SPTB: variants seen among roughly 807,000 people sequenced by gnomAD.
SPTB encodes spectrin beta chain, erythrocytic.
A neutral mutation model predicts 256.2 loss-of-function variants in SPTB; 45 were observed. That is an observed-to-expected ratio of 0.18 (90% CI 0.14 to 0.23). The LOEUF is 0.23. Among genes scored for constraint, SPTB ranks in the 10% least tolerant of loss-of-function variants. The pLI, the probability that SPTB is intolerant of heterozygous loss-of-function variation, is 1.00. For synonymous variants in SPTB, 1,231 were observed against 1,243.1 expected (o/e 0.99, Z 0.21); for missense variants, 2,715 against 3,040.4 (o/e 0.89, Z 2.52).
At chr14:64,858,994 T>C (rs2083916151) in intron 1 of SPTB, among the ~76,000 whole-genome samples, 1 of 152,172 alleles carries the variant, frequency 6.6e-6, no homozygotes, top group Admixed American at 6.5e-5. Flanking sequence ...TGCAATGGCT[T>C]ACACCTGTAA....
chr14:64,794,748 C>G, intron 12 of SPTB, 131 bp from the exon 13 acceptor site: 1 of 1,212,936 alleles, frequency 8.2e-7, no homozygotes, highest in Non-Finnish European at 1.2e-6. Flanking sequence ...CAGAAAAGGG[C>G]TGCTGCTGAG....
intron 1 of SPTB, among the ~76,000 whole-genome samples, chr14:64,836,695 A>C (rs2083527997): frequency 6.6e-6 from 1 of 152,090 alleles, no homozygotes; most frequent in African/African-American, 2.4e-5. Context: ...TGACAACCTA[A>C]TTTCCTTTCG....
rs976942908 is a variant in SPTB, at chr14:64,873,062, T to C, written c.-52+6730A>G. On this transcript the variant is annotated intron_variant, in intron 1 of 35. Transcript: ENST00000644917. This position sits in a 1 kb window ranked among gnomAD's most constrained non-coding sequence, Gnocchi z 4.3. Reference sequence around the variant, plus strand: ...TTCTCCCAAACATCCCATGCCTCTCTCCCCACTTCATTTGAGTCTCAGCCC... The same window carrying C: ...TTCTCCCAAACATCCCATGCCTCTCCCCCCACTTCATTTGAGTCTCAGCCC... 1.3e-5 allele frequency among the ~76,000 whole-genome samples: 2 copies of C among 152,126 alleles called. No homozygotes were observed. Among genetic ancestry groups the C allele is most frequent in the African/African-American group, 4.8e-5 (2 of 41,440 alleles).
Position 64,771,101 on chromosome 14 carries a change from C to G in SPTB, c.5582G>C (p.Arg1861Pro), listed in dbSNP as rs375479678. Reference sequence around the variant, plus strand: ...CTCCCCAGCATATGCTGTCTGCAGACGGGTGGCCACGTCCTGGAACTGCTG... The same window carrying G: ...CTCCCCAGCATATGCTGTCTGCAGAGGGGTGGCCACGTCCTGGAACTGCTG... ...QVQQFQDVATRLQTAYAGEKA... is the reference protein window; with the variant it reads ...QVQQFQDVATPLQTAYAGEKA... The change falls in exon 27 of 36, where the codon CGT becomes CCT. Residue 1861 changes from arginine to proline, a missense_variant. This residue lies in a region of SPTB where 2,239 missense variants were observed against 2,384.4 expected (regional missense o/e 0.94). Coordinates refer to ENST00000644917, the MANE Select transcript of SPTB (RefSeq NM_001355436.2). 6.2e-7 allele frequency: 1 copy of G among 1,614,016 alleles called. No homozygotes were observed. The highest frequency in any genetic ancestry group is 8.5e-7 in the Non-Finnish European group (1 of 1,180,040).
chr14:64,749,527 C>T lies in SPTB; in HGVS notation c.6820-54G>A, dbSNP rs1021022262. 3.6e-5 allele frequency: 57 copies of T among 1,598,030 alleles called. No individual in the cohort carries two copies. The highest frequency in any genetic ancestry group is 4.4e-5 in the South Asian group (4 of 90,614). The stretch of plus-strand genomic sequence containing the variant: ...TGGAGGCCCACAGCCCCCCACCTCC[C>T]GGGCCAGGCAACAATGGTGGGGGCT... On this transcript the variant is annotated intron_variant, in intron 35 of 35. Coordinates refer to ENST00000644917, the MANE Select transcript of SPTB (RefSeq NM_001355436.2). This position sits in a 1 kb window ranked among gnomAD's most constrained non-coding sequence, Gnocchi z 4.7.
At chr14:64,856,741 G>A (rs2083880639) in intron 1 of SPTB, among the ~76,000 whole-genome samples, 1 of 152,258 alleles carries the variant, frequency 6.6e-6, no homozygotes, top group Non-Finnish European at 1.5e-5. Flanking sequence ...ACTCTCAAGG[G>A]AGAAGGGCGG....
Position 64,795,385 on chromosome 14 carries a change from C to A in SPTB, c.1596G>T (p.Lys532Asn). Residue 532 changes from lysine to asparagine, a missense_variant, in exon 12 of 36, where the codon AAG becomes AAT. Around this residue, in one of 4 missense-constraint regions of SPTB, gnomAD observed 2,239 missense variants for 2,384.4 expected, o/e 0.94. Transcript: ENST00000644917. The surrounding 1 kb of genome is among the most constrained non-coding windows in gnomAD (Gnocchi z 6.5). Reference protein sequence around the residue: ...QRLETTLALQKLFQDMLHSID... With the variant: ...QRLETTLALQNLFQDMLHSID... ...TGCTGTGCAGCATGTCCTGGAAGAG[C>A]TTCTGCAGTGCCAGGGTGGTCTCGA... is the stretch of plus-strand genomic sequence containing the variant. 1 of 1,613,846 alleles carries A rather than the reference C, an allele frequency of 6.2e-7. No individual in the cohort carries two copies.
In SPTB at chr14:64,777,827, C is replaced by T. The variant is rs532497561; in HGVS notation, c.4563+1330G>A. Among the ~76,000 whole-genome samples the T allele has an allele frequency of 3.3e-5, 5 of 152,298 alleles. No homozygotes were observed. Among genetic ancestry groups the T allele is most frequent in the East Asian group, 1.9e-4 (1 of 5,184 alleles). On this transcript the variant is annotated intron_variant, in intron 22 of 35. Transcript: ENST00000644917. The surrounding 1 kb of genome is among the most constrained non-coding windows in gnomAD (Gnocchi z 4.5). The stretch of plus-strand genomic sequence containing the variant: ...AAAATAGTCTTCATTAGGGCAGTCA[C>T]GCTGTCCCAAGAGGCTGCCTTTCCC...
At position 64,796,873 on chromosome 14, in the gene SPTB, T is replaced by TC. The variant is rs1217447823; in HGVS notation, c.1183-159_1183-158insG. Among the ~76,000 whole-genome samples, 28 of 50,768 alleles carry TC rather than the reference T, an allele frequency of 5.5e-4. No individual in the cohort carries two copies. The highest frequency in any genetic ancestry group is 0.012 in the Middle Eastern group (1 of 86). The allele number at this position is 50,768 out of a possible 152,430, so 33.3% of individuals were successfully genotyped here. On this transcript the variant is annotated intron_variant, in intron 10 of 35. Transcript: ENST00000644917. The surrounding 1 kb of genome is among the most constrained non-coding windows in gnomAD (Gnocchi z 4.1). ...AGCAGATTAAAGATCAATAAAAGCC[T>TC]TTGGCTTTCATGTCTGGGCCCATCA...
At chr14:64,851,177 T>C (rs1051074874) in intron 1 of SPTB, among the ~76,000 whole-genome samples, 12 of 152,184 alleles carry the variant, frequency 7.9e-5, no homozygotes, top group African/African-American at 2.9e-4. Context: ...AATGTTCAAT[T>C]ATGTTATTTC....
Position 64,750,832 on chromosome 14 carries a change from TATA to T in SPTB, c.6603-681_6603-679del, listed in dbSNP as rs576495074. On this transcript the variant is annotated intron_variant, in intron 33 of 35. Transcript: ENST00000644917. ...ATATATACTTTTATTATATAATTTA[TATA>T]ATATTTACATATTTATTATATAACA... Among the ~76,000 whole-genome samples, 772 of 146,716 alleles carry T rather than the reference TATA, an allele frequency of 5.3e-3. 7 individuals carry two copies. Among genetic ancestry groups the T allele is most frequent in the African/African-American group, 0.018 (716 of 40,386 alleles).
chr14:64,838,529 C>T (rs945132586), intron 1 of SPTB, among the ~76,000 whole-genome samples: 1 of 152,016 alleles, frequency 6.6e-6, no homozygotes, highest in Admixed American at 6.6e-5. Context: ...ATATAAAAAA[C>T]TCAAAACTCA....
At chr14:64,784,647 C>T (rs1235485498) in intron 18 of SPTB, among the ~76,000 whole-genome samples, 4 of 152,188 alleles carry the variant, frequency 2.6e-5, no homozygotes, top group South Asian at 2.1e-4. Flanking sequence ...GGATACTTTA[C>T]GCTCCTCTCC....
chr14:64,781,219 C>G (rs986098987), intron 20 of SPTB, among the ~76,000 whole-genome samples: 5 of 152,130 alleles, frequency 3.3e-5, no homozygotes, highest in Non-Finnish European at 7.4e-5. Context: ...CAAAAATTGG[C>G]AAATGAGATC....
intron 29 of SPTB, 146 bp from the exon 30 acceptor site, chr14:64,768,005 C>A: frequency 1.2e-6 from 1 of 827,016 alleles, no homozygotes; most frequent in Non-Finnish European, 2.0e-6. Context: ...TGCCTGCAGC[C>A]ACCCCATTCC....
chr14:64,850,948 C>T (rs1022312556), intron 1 of SPTB, among the ~76,000 whole-genome samples: 30 of 152,214 alleles, frequency 2.0e-4, no homozygotes, highest in Admixed American at 1.9e-3. Flanking sequence ...AAGGACTAAG[C>T]TGGCCCCAAT....
rs1466944358 is a variant in SPTB at position 64,806,186 on chromosome 14, A to G, written c.149-1096T>C. Among the ~76,000 whole-genome samples the G allele has an allele frequency of 2.0e-5, 3 of 152,216 alleles. No individual in the cohort carries two copies. The highest frequency in any genetic ancestry group is 4.4e-5 in the Non-Finnish European group (3 of 68,048). ...GGGAGAAGGAGAAAAAAAGAAAAGT[A>G]GCAGAAAAGAAGAAAAACAAATAAG... On this transcript the variant is annotated intron_variant, in intron 2 of 35. Transcript: ENST00000644917. The surrounding 1 kb of genome is among the most constrained non-coding windows in gnomAD (Gnocchi z 4.1).
In SPTB at chr14:64,771,137, C is replaced by T; in HGVS notation, c.5554-8G>A. 1 of 1,613,190 alleles carries T rather than the reference C, an allele frequency of 6.2e-7. No individual in the cohort carries two copies. Among genetic ancestry groups the T allele is most frequent in the Non-Finnish European group, 8.5e-7 (1 of 1,180,014 alleles). On this transcript the variant is annotated splice_region_variant and splice_polypyrimidine_tract_variant and intron_variant, in intron 26 of 35. Coordinates refer to ENST00000644917, the MANE Select transcript of SPTB (RefSeq NM_001355436.2). ...GTCCTGGAACTGCTGCACCTGTGGT[C>T]AGGCAAAATCAGACATTGTTCCCTG...
Position 64,767,360 on chromosome 14 carries a change from A to G in SPTB, c.6220-8T>C. ...GCGTTCTTTCAGCTCAAGCTAGAGGAGGAGAAGGCCCAGGGGTCAGAGCAG... is the reference window on the plus strand; with the variant it reads ...GCGTTCTTTCAGCTCAAGCTAGAGGGGGAGAAGGCCCAGGGGTCAGAGCAG... On this transcript the variant is annotated splice_region_variant and splice_polypyrimidine_tract_variant and intron_variant, in intron 30 of 35. Coordinates refer to ENST00000644917, the MANE Select transcript of SPTB (RefSeq NM_001355436.2). The G allele has an allele frequency of 6.2e-7, 1 of 1,613,996 alleles. No homozygotes were observed. Among genetic ancestry groups the G allele is most frequent in the Non-Finnish European group, 8.5e-7 (1 of 1,180,018 alleles).
Sources: gnomAD v4.1 joint callset for allele counts (sites outside exome capture counted in the v4.1 genomes callset) on GRCh38, gnomAD v4.1.1 for gene constraint, gnomAD v4.1.1 regional missense constraint, Gnocchi (gnomAD v3.1) non-coding constraint, MANE v1.5 for transcripts, NCBI Gene and HGNC (gene_info 2026-07-23, HGNC 2026-07-21) for gene names.